NTN1: variants seen among roughly 807,000 people sequenced by gnomAD.
NTN1 encodes the protein netrin-1.
Under a neutral mutation model 54.2 loss-of-function variants are expected in NTN1, and 11 were observed. The ratio of observed to expected loss-of-function variants is 0.20; its 90% CI spans 0.13 to 0.34. NTN1 has a LOEUF of 0.34. Among genes scored for constraint, NTN1 ranks in the 10% least tolerant of loss-of-function variants. The pLI is 1.00. For synonymous variants in NTN1, 371 were observed against 382.0 expected (o/e 0.97, Z 0.33); for missense variants, 740 against 893.1 (o/e 0.83, Z 2.18).
intron 6 of NTN1, among the ~76,000 whole-genome samples, chr17:9,231,969 C>T (rs918747314): frequency 8.5e-5 from 13 of 152,192 alleles, no homozygotes; most frequent in South Asian, 4.1e-4. Context: ...GCATGTCCCG[C>T]GGGCCCAGCC....
At chr17:9,072,944 C>G (rs748579929) in intron 2 of NTN1, among the ~76,000 whole-genome samples, 3 of 152,170 alleles carry the variant, frequency 2.0e-5, no homozygotes, top group Non-Finnish European at 4.4e-5. Context: ...TCTTTCCTTC[C>G]CCACCCTCCT....
chr17:9,024,238 G>T (rs780990200), intron 2 of NTN1, among the ~76,000 whole-genome samples: 2 of 152,136 alleles, frequency 1.3e-5, no homozygotes, highest in Non-Finnish European at 2.9e-5. Context: ...AAAAGGATAC[G>T]TTCTGCTTCT....
intron 2 of NTN1, among the ~76,000 whole-genome samples, chr17:9,160,402 G>A (rs1567724792): frequency 6.6e-6 from 1 of 152,006 alleles, no homozygotes; most frequent in Non-Finnish European, 1.5e-5. Context: ...ACCATGCCCA[G>A]CCCGGACATC....
At chr17:9,157,584 C>T (rs9895217) in intron 2 of NTN1, among the ~76,000 whole-genome samples, 22,731 of 152,212 alleles carry the variant, frequency 0.15, 1,811 homozygotes, top group Non-Finnish European at 0.17. Context: ...TCTCGCCCTC[C>T]TATCTTCCTT....
At chr17:9,007,483 ATTCT>A in the NTN1 span, among the ~76,000 whole-genome samples, 8 of 85,882 alleles carry the variant, frequency 9.3e-5, no homozygotes, top group African/African-American at 2.4e-4. Context: ...TCATTCATTC[ATTCT>A]TTCTTTCTCT....
At chr17:9,018,406 C>A (rs550227288), upstream of NTN1, among the ~76,000 whole-genome samples, 2 of 152,042 alleles carry the variant, frequency 1.3e-5, no homozygotes, top group East Asian at 3.9e-4. Context: ...CCGAGGCGGG[C>A]AGATCACTTG....
chr17:9,097,096 A>C (rs563794320), intron 2 of NTN1, among the ~76,000 whole-genome samples: 2 of 152,248 alleles, frequency 1.3e-5, no homozygotes, highest in Non-Finnish European at 2.9e-5. Context: ...TATTGTCGGT[A>C]ATTTCTGTTG....
chr17:9,160,972 A>G (rs1220916039), intron 2 of NTN1, among the ~76,000 whole-genome samples: 2 of 152,232 alleles, frequency 1.3e-5, no homozygotes, highest in African/African-American at 4.8e-5. Flanking sequence ...AAAACAAAAC[A>G]AAACAAACCC....
the NTN1 span, among the ~76,000 whole-genome samples, chr17:9,014,657 C>T: frequency 6.8e-3 from 1,040 of 152,286 alleles, 12 homozygotes; most frequent in African/African-American, 0.023. Context: ...CTGGAGAGGC[C>T]AAATCCTCCT....
intron 5 of NTN1, among the ~76,000 whole-genome samples, chr17:9,204,529 A>C (rs1427311982): frequency 2.6e-5 from 4 of 152,168 alleles, no homozygotes; most frequent in Non-Finnish European, 2.9e-5. Context: ...TCCTGGCCTC[A>C]TGTGATCTGC....
chr17:9,074,197 CAG>C lies in NTN1; in HGVS notation c.1018+50807_1018+50808del, dbSNP rs199698638. ...GAACCAGTGCGGGAGGGAAGCCTGACAGGGGCGAGGTGGCTTCCTGCAAGACG... is the reference window on the plus strand; with the variant it reads ...GAACCAGTGCGGGAGGGAAGCCTGACGGGCGAGGTGGCTTCCTGCAAGACG... On this transcript the variant is annotated intron_variant, in intron 2 of 6. Transcript: ENST00000173229. Among the ~76,000 whole-genome samples the C allele has an allele frequency of 5.1e-3, 771 of 152,352 alleles. 7 individuals carry two copies. Among genetic ancestry groups the C allele is most frequent in the African/African-American group, 0.016 (676 of 41,586 alleles).
chr17:9,143,839 C>G (rs1373845157), intron 2 of NTN1, among the ~76,000 whole-genome samples: 2 of 151,940 alleles, frequency 1.3e-5, no homozygotes, highest in Non-Finnish European at 2.9e-5. Context: ...AAGGGTCTCC[C>G]TGGGTCACCC....
chr17:9,216,551 TTGCAGATCCA>T (rs1224038797), intron 5 of NTN1, among the ~76,000 whole-genome samples: 18 of 152,176 alleles, frequency 1.2e-4, no homozygotes, highest in African/African-American at 4.3e-4. Flanking sequence ...AAGAAAAAAA[TTGCAGATCCA>T]TGTACTGGTG....
chr17:9,109,033 C>A (rs1332786477), intron 2 of NTN1, among the ~76,000 whole-genome samples: 6 of 151,956 alleles, frequency 3.9e-5, no homozygotes, highest in Non-Finnish European at 8.8e-5. Context: ...TGCACCACCA[C>A]CCCCGGCTAA....
chr17:9,230,999 C>T (rs1905790986), intron 6 of NTN1, among the ~76,000 whole-genome samples: 1 of 152,108 alleles, frequency 6.6e-6, no homozygotes, highest in South Asian at 2.1e-4. Context: ...GTCCAAGGTG[C>T]CCGGAGTGTG....
chr17:9,206,478 G>C (rs528772391), intron 5 of NTN1, among the ~76,000 whole-genome samples: 2 of 152,102 alleles, frequency 1.3e-5, no homozygotes, highest in South Asian at 4.2e-4. Context: ...CCTGCCCTCG[G>C]GGGGAGGGGG....
chr17:9,202,438 A>G (rs2142338204), intron 5 of NTN1, among the ~76,000 whole-genome samples: 1 of 152,160 alleles, frequency 6.6e-6, no homozygotes, highest in South Asian at 2.1e-4. Flanking sequence ...AGCACCTTCC[A>G]CACAGGGTCA....
At chr17:9,082,374 T>A (rs923122761) in intron 2 of NTN1, among the ~76,000 whole-genome samples, 2 of 152,228 alleles carry the variant, frequency 1.3e-5, no homozygotes, top group Non-Finnish European at 2.9e-5. Context: ...ATCTTGTATT[T>A]TTAAAAATAA....
intron 2 of NTN1, among the ~76,000 whole-genome samples, chr17:9,137,430 A>G (rs77888546): frequency 0.015 from 2,228 of 152,272 alleles, 56 homozygotes; most frequent in African/African-American, 0.05. Flanking sequence ...TGTGGCGTGA[A>G]TGAATGAACC....
Sources: gnomAD v4.1 joint callset for allele counts (sites outside exome capture counted in the v4.1 genomes callset) on GRCh38, gnomAD v4.1.1 for gene constraint, MANE v1.5 for transcripts, NCBI Gene and HGNC (gene_info 2026-07-23, HGNC 2026-07-21) for gene names.